The following RPRD2 variants were observed in gnomAD, a reference collection of about 807,000 sequenced individuals.
RPRD2 encodes the protein regulation of nuclear pre-mRNA domain-containing protein 2.
A neutral mutation model predicts 104.4 loss-of-function variants in RPRD2; 12 were observed. That is an observed-to-expected ratio of 0.11 (90% confidence interval 0.07 to 0.19). The LOEUF is 0.19. RPRD2 is among the 10% of genes least tolerant of loss of function. The pLI, the probability that RPRD2 is intolerant of heterozygous loss-of-function variation, is 1.00. For synonymous variants in RPRD2, 714 were observed against 684.9 expected, an observed-to-expected ratio of 1.04 and a Z score of -0.66; for missense variants, 1,543 against 1,790.1, an observed-to-expected ratio of 0.86 and a Z score of 2.49.
rs142589535 is a variant in RPRD2, at chr1:150,453,322, C to T, written c.871-3966C>T. ...CTGGGATTACAGGCGTGAGCCACCG[C>T]GCCTGGCCTCAGTGTTTTTACTTAA... On this transcript the variant is annotated intron_variant, in intron 7 of 10. Coordinates refer to ENST00000369068, the MANE Select transcript of RPRD2 (RefSeq NM_015203.5). 1.7e-3 allele frequency among the ~76,000 whole-genome samples: 262 copies of T among 152,290 alleles called. 2 individuals carry two copies. Among genetic ancestry groups the T allele is most frequent in the African/African-American group, 5.8e-3 (241 of 41,550 alleles).
Position 150,476,302 on chromosome 1 carries a change from C to G in RPRD2, c.*2968C>G, listed in dbSNP as rs1191058707. On this transcript the variant is annotated 3_prime_UTR_variant, in exon 11 of 11. Coordinates refer to ENST00000369068, the MANE Select transcript of RPRD2 (RefSeq NM_015203.5). ...TTCCTAATGGCAGGATATTCACTCT[C>G]AATCCTGAAGTTACCGGTTCCTGCA... The G allele has an allele frequency of 6.6e-6, 1 of 152,190 alleles. No homozygotes were observed. Among genetic ancestry groups the G allele is most frequent in the African/African-American group, 2.4e-5 (1 of 41,444 alleles). 9.4% of individuals were successfully genotyped at this position (152,190 alleles called of 1,614,324 possible).
chr1:150,467,511 T>TTACA (rs1315862165), intron 10 of RPRD2, among the ~76,000 whole-genome samples: 4 of 152,178 alleles, frequency 2.6e-5, no homozygotes, highest in African/African-American at 9.6e-5. Flanking sequence ...GTAGCTGGTA[T>TTACA]TACAGGCTCA....
intron 1 of RPRD2, among the ~76,000 whole-genome samples, chr1:150,409,691 C>T (rs1436522722): frequency 6.7e-6 from 1 of 148,610 alleles, no homozygotes; most frequent in East Asian, 2.0e-4. Context: ...CTCTTTCACC[C>T]AGGCTGAAGT....
intron 1 of RPRD2, among the ~76,000 whole-genome samples, chr1:150,382,258 AT>A (rs1661193852): frequency 6.6e-6 from 1 of 152,202 alleles, no homozygotes; most frequent in African/African-American, 2.4e-5. Context: ...AAAAGAACAT[AT>A]AATTTGGAAG....
chr1:150,392,754 G>C (rs1662187891), intron 1 of RPRD2, among the ~76,000 whole-genome samples: 1 of 151,804 alleles, frequency 6.6e-6, no homozygotes, highest in African/African-American at 2.4e-5. Flanking sequence ...GAGGAGGGAG[G>C]ATTGCTTGAT....
At chr1:150,382,176 A>G (rs1661186066) in intron 1 of RPRD2, among the ~76,000 whole-genome samples, 1 of 152,122 alleles carries the variant, frequency 6.6e-6, no homozygotes, top group Non-Finnish European at 1.5e-5. Flanking sequence ...TGAAATGTTT[A>G]TTAAGGTTAA....
At chr1:150,464,379 TGTACATGTCA>T in intron 9 of RPRD2, 138 bp from the exon 10 acceptor site, 1 of 453,360 alleles carries the variant, frequency 2.2e-6, no homozygotes, top group Non-Finnish European at 3.8e-6. Flanking sequence ...TTTTTTTTTT[TGTACATGTCA>T]TGTTATGATG....
At chr1:150,371,048 A>G (rs1362863647) in intron 1 of RPRD2, among the ~76,000 whole-genome samples, 1 of 152,162 alleles carries the variant, frequency 6.6e-6, no homozygotes, top group Non-Finnish European at 1.5e-5. Context: ...GCAAGCTGGT[A>G]TGTTTTTCAA....
chr1:150,439,627 C>CTTTTTTTTTT (rs66814229), intron 2 of RPRD2, among the ~76,000 whole-genome samples: 3 of 142,290 alleles, frequency 2.1e-5, no homozygotes, highest in Non-Finnish European at 1.5e-5. Context: ...TTTGACATAG[C>CTTTTTTTTTT]TTTTTTTTTT....
At chr1:150,380,678 C>T (rs1307643712) in intron 1 of RPRD2, among the ~76,000 whole-genome samples, 2 of 151,140 alleles carry the variant, frequency 1.3e-5, no homozygotes, top group Admixed American at 6.6e-5. Context: ...TTTTTTGGGA[C>T]GGAGTCTCTC....
At chr1:150,465,951 C>T (rs767139821) in intron 10 of RPRD2, among the ~76,000 whole-genome samples, 8 of 143,740 alleles carry the variant, frequency 5.6e-5, no homozygotes, top group South Asian at 2.1e-4. Flanking sequence ...GTGCTGAGAT[C>T]GCAGTAAGCC....
In RPRD2 at chr1:150,381,710, C is replaced by T. The variant is rs988173954; in HGVS notation, c.205+16791C>T. Among the ~76,000 whole-genome samples, 5 of 151,852 alleles carry T rather than the reference C, an allele frequency of 3.3e-5. No homozygotes were observed. The South Asian group carries it at 6.2e-4, about 19-fold the overall frequency. The stretch of plus-strand genomic sequence containing the variant: ...TAGTAGAGACGGGGTTTCACCGTGT[C>T]AGCCAGGATGGTCTCGATCTCCTAA... On this transcript the variant is annotated intron_variant, in intron 1 of 10. Transcript: ENST00000369068.
chr1:150,466,783 C>G (rs1235755148), intron 10 of RPRD2, among the ~76,000 whole-genome samples: 1 of 152,116 alleles, frequency 6.6e-6, no homozygotes, highest in Non-Finnish European at 1.5e-5. Context: ...TTCCTACTCT[C>G]TACTCTCTTA....
intron 1 of RPRD2, among the ~76,000 whole-genome samples, chr1:150,404,031 A>C (rs587673364): frequency 6.6e-6 from 1 of 152,302 alleles, no homozygotes; most frequent in South Asian, 2.1e-4. Flanking sequence ...AATAATTTGA[A>C]AGCCTAGAGG....
At chr1:150,387,113 A>G (rs1553881968) in intron 1 of RPRD2, among the ~76,000 whole-genome samples, 1 of 152,214 alleles carries the variant, frequency 6.6e-6, no homozygotes, top group Non-Finnish European at 1.5e-5. Context: ...CTTTTAGACT[A>G]CATGGTTCAT....
intron 1 of RPRD2, among the ~76,000 whole-genome samples, chr1:150,379,806 G>T (rs1378568312): frequency 6.6e-6 from 1 of 152,228 alleles, no homozygotes; most frequent in African/African-American, 2.4e-5. Context: ...TAAGTACTGG[G>T]ATTACAGGCG....
intron 2 of RPRD2, among the ~76,000 whole-genome samples, chr1:150,422,670 T>C (rs1664852234): frequency 3.3e-5 from 5 of 152,184 alleles, no homozygotes; most frequent in Admixed American, 3.3e-4. Context: ...TGTGGATTTT[T>C]ATATGAAGTC....
intron 7 of RPRD2, among the ~76,000 whole-genome samples, chr1:150,455,610 G>T (rs1307644242): frequency 6.9e-6 from 1 of 145,200 alleles, no homozygotes; most frequent in Non-Finnish European, 1.5e-5. Flanking sequence ...GGGATCCTAG[G>T]TTAGAAAAGG....
At position 150,464,852 on chromosome 1, in the gene RPRD2, TTTTATTTA is replaced by T. The variant is rs113377463; in HGVS notation, c.1612+146_1612+153del. The T allele has an allele frequency of 6.7e-4, 311 of 462,510 alleles. 3 individuals are homozygous for T. The highest frequency in any genetic ancestry group is 9.4e-4 in the Non-Finnish European group (271 of 289,664). The allele number at this position is 462,510 out of a possible 1,614,324, so 28.7% of individuals were successfully genotyped here. Reference sequence around the variant, plus strand: ...TATAACACAGTTAATTCATTATTCTTTTTATTTATTTATTTATTTATTTATTTAAAATT... The same window carrying T: ...TATAACACAGTTAATTCATTATTCTTTTTATTTATTTATTTATTTAAAATT... On this transcript the variant is annotated intron_variant, in intron 10 of 10. Coordinates refer to ENST00000369068, the MANE Select transcript of RPRD2 (RefSeq NM_015203.5).
Sources: allele counts gnomAD v4.1 joint callset (sites outside exome capture counted in the v4.1 genomes callset), GRCh38; gene constraint gnomAD v4.1.1; transcripts MANE v1.5; gene names NCBI Gene and HGNC (gene_info 2026-07-23, HGNC 2026-07-21).